The following AGMO variants were observed in gnomAD, a reference collection of about 807,000 sequenced individuals.
AGMO encodes glyceryl-ether monooxygenase.
A neutral mutation model predicts 60.2 loss-of-function variants in AGMO; 75 were observed. The ratio of observed to expected loss-of-function variants is 1.25; its 90% CI spans 1.03 to 1.51. AGMO has a LOEUF of 1.51. Ranked by LOEUF, AGMO falls within the 40% of genes most tolerant of loss-of-function variation. AGMO has a pLI of 0.00. For synonymous variants in AGMO, 261 were observed against 177.1 expected (o/e 1.47, Z -3.76); for missense variants, 763 against 525.5 (o/e 1.45, Z -4.42).
At chr7:15,482,987 A>G (rs1403256428) in intron 3 of AGMO, among the ~76,000 whole-genome samples, 1 of 152,184 alleles carries the variant, frequency 6.6e-6, no homozygotes, top group Non-Finnish European at 1.5e-5. Context: ...CCTCTATTTT[A>G]TAAGTATCTA....
At chr7:15,266,625 T>C (rs945788993) in intron 12 of AGMO, among the ~76,000 whole-genome samples, 15 of 151,946 alleles carry the variant, frequency 9.9e-5, no homozygotes, top group South Asian at 8.3e-4. Flanking sequence ...AAAAGTATCC[T>C]AGTAAAGGCT....
chr7:15,333,732 G>A (rs1781568518), intron 12 of AGMO, among the ~76,000 whole-genome samples: 1 of 151,932 alleles, frequency 6.6e-6, no homozygotes, highest in African/African-American at 2.4e-5. Flanking sequence ...TATTGATTAT[G>A]CAAATTATCT....
intron 12 of AGMO, among the ~76,000 whole-genome samples, chr7:15,282,799 T>A (rs924761644): frequency 2.0e-5 from 3 of 152,138 alleles, no homozygotes; most frequent in Non-Finnish European, 4.4e-5. Context: ...TTGGGATTTC[T>A]AAAGTTAACA....
At chr7:15,466,759 G>C (rs979299551) in intron 3 of AGMO, among the ~76,000 whole-genome samples, 2 of 152,138 alleles carry the variant, frequency 1.3e-5, no homozygotes, top group South Asian at 2.1e-4. Flanking sequence ...ATTTCAAATA[G>C]TTTTAAATAT....
chr7:15,439,572 C>T (rs1311453530), intron 3 of AGMO, among the ~76,000 whole-genome samples: 4 of 152,136 alleles, frequency 2.6e-5, no homozygotes, highest in Admixed American at 2.6e-4. Flanking sequence ...TCAGTAGTGG[C>T]TGCAAGTCCC....
At position 15,433,691 on chromosome 7, in the gene AGMO, C is replaced by A. The variant is rs1436522241; in HGVS notation, c.410-2583G>T. Among the ~76,000 whole-genome samples the A allele has an allele frequency of 3.3e-5, 5 of 152,012 alleles. 1 individual carries two copies. In the East Asian group the frequency reaches 9.6e-4, roughly 29 times the overall value. ...AAGATATTATTTAGAATAAGCTTCT[C>A]TCTGTGAAAGACTTCATATAATTAT... On this transcript the variant is annotated intron_variant, in intron 3 of 12. Transcript: ENST00000342526.
intron 6 of AGMO, 40 bp from the exon 7 acceptor site, chr7:15,390,945 A>T: frequency 7.7e-7 from 1 of 1,306,980 alleles, no homozygotes; most frequent in Non-Finnish European, 1.1e-6. Flanking sequence ...TCAGAAAAAT[A>T]GTTATGCTTT....
intron 2 of AGMO, among the ~76,000 whole-genome samples, chr7:15,547,084 A>G (rs1784801922): frequency 6.6e-6 from 1 of 152,298 alleles, no homozygotes; most frequent in East Asian, 1.9e-4. Context: ...CACTATTACA[A>G]TTTGGGCCAA....
chr7:15,182,371 C>T, the AGMO span, among the ~76,000 whole-genome samples: 2 of 152,038 alleles, frequency 1.3e-5, no homozygotes, highest in South Asian at 4.1e-4. Flanking sequence ...ATATATTGTA[C>T]CACGATAAAA....
intron 2 of AGMO, among the ~76,000 whole-genome samples, chr7:15,555,516 C>T (rs1785109461): frequency 6.6e-6 from 1 of 151,778 alleles, no homozygotes; most frequent in East Asian, 1.9e-4. Context: ...ATAATATTAC[C>T]TTTACCGTCT....
Position 15,347,018 on chromosome 7 carries a change from T to C in AGMO, c.1263+18496A>G, listed in dbSNP as rs75579897. On this transcript the variant is annotated intron_variant, in intron 12 of 12. Coordinates refer to ENST00000342526, the MANE Select transcript of AGMO (RefSeq NM_001004320.2). ...AATGATTCTGTGAAAAGTTCTCTTC[T>C]ATATCCATTTGAATATAAGTAGGTA... Among the ~76,000 whole-genome samples the C allele has an allele frequency of 7.9e-3, 1,195 of 152,148 alleles. 16 individuals carry two copies. Among genetic ancestry groups the C allele is most frequent in the African/African-American group, 0.027 (1,106 of 41,544 alleles).
chr7:15,149,208 G>A, the AGMO span, among the ~76,000 whole-genome samples: 1 of 151,942 alleles, frequency 6.6e-6, no homozygotes, highest in Non-Finnish European at 1.5e-5. Context: ...CATATATTCT[G>A]GATAGTGGAC....
At chr7:15,154,525 C>G in the AGMO span, among the ~76,000 whole-genome samples, 5 of 152,184 alleles carry the variant, frequency 3.3e-5, no homozygotes, top group African/African-American at 9.7e-5. Flanking sequence ...CTCTTCAAGA[C>G]AGCATTCAGT....
intron 3 of AGMO, among the ~76,000 whole-genome samples, chr7:15,439,377 C>T (rs541716208): frequency 1.3e-5 from 2 of 152,278 alleles, no homozygotes; most frequent in South Asian, 2.1e-4. Flanking sequence ...AGCCTGGTGA[C>T]AGAGTGAGAT....
chr7:15,412,785 C>T (rs1780652135), intron 5 of AGMO, among the ~76,000 whole-genome samples: 1 of 151,696 alleles, frequency 6.6e-6, no homozygotes, highest in Non-Finnish European at 1.5e-5. Flanking sequence ...CCAAAAATCC[C>T]CACATATCCT....
intron 3 of AGMO, among the ~76,000 whole-genome samples, chr7:15,485,210 T>C (rs1045404980): frequency 6.7e-6 from 1 of 148,280 alleles, no homozygotes; most frequent in Non-Finnish European, 1.5e-5. Flanking sequence ...CCAGCTACTA[T>C]GGAGGCTGAG....
At chr7:15,298,728 T>C (rs1784472848) in intron 12 of AGMO, among the ~76,000 whole-genome samples, 1 of 152,138 alleles carries the variant, frequency 6.6e-6, no homozygotes, top group Admixed American at 6.6e-5. Context: ...AAGCCACTCA[T>C]TAATTTTAAG....
chr7:15,429,495 G>A (rs935132717), intron 4 of AGMO, among the ~76,000 whole-genome samples: 1 of 152,000 alleles, frequency 6.6e-6, no homozygotes, highest in Non-Finnish European at 1.5e-5. Flanking sequence ...CTTTATAGGA[G>A]CATTGCCCTG....
At chr7:15,370,867 T>G (rs186943094) in intron 10 of AGMO, among the ~76,000 whole-genome samples, 1,872 of 152,304 alleles carry the variant, frequency 0.012, 46 homozygotes, top group African/African-American at 0.043. Context: ...ATAGTTTCTT[T>G]TGCTGTGCAG....
Sources: allele counts gnomAD v4.1 joint callset (sites outside exome capture counted in the v4.1 genomes callset), GRCh38; gene constraint gnomAD v4.1.1; transcripts MANE v1.5; gene names NCBI Gene and HGNC (gene_info 2026-07-23, HGNC 2026-07-21).